Variants in TOP6BL observed in about 807,000 individuals in gnomAD.
TOP6BL encodes the protein TOP6B like initiator of meiotic double strand breaks.
At chr11:66,800,058 C>T in the TOP6BL span, among the ~76,000 whole-genome samples, 1 of 149,204 alleles carries the variant, frequency 6.7e-6, no homozygotes. Flanking sequence ...GAGCAAGACC[C>T]TGTCTCAAAA....
the TOP6BL span, among the ~76,000 whole-genome samples, chr11:66,758,609 C>T: frequency 1.4e-4 from 21 of 152,220 alleles, no homozygotes; most frequent in Admixed American, 1.0e-3. Context: ...CCACCGCACC[C>T]GGCCGGTATT....
chr11:66,759,792 A>T, the TOP6BL span, among the ~76,000 whole-genome samples: 2 of 152,092 alleles, frequency 1.3e-5, no homozygotes, highest in African/African-American at 4.8e-5. Context: ...CCGTGTTGCC[A>T]TGCTGGTCTC....
the TOP6BL span, among the ~76,000 whole-genome samples, chr11:66,827,966 GAAAA>G: frequency 1.7e-4 from 5 of 30,116 alleles, no homozygotes; most frequent in East Asian, 2.1e-3. Context: ...CTCTGTCTCA[GAAAA>G]AAAAAAAAAA....
the TOP6BL span, among the ~76,000 whole-genome samples, chr11:66,797,989 A>C: frequency 1.3e-5 from 2 of 152,164 alleles, no homozygotes; most frequent in African/African-American, 4.8e-5. Context: ...TCGCTCACTT[A>C]ACTCTTACAA....
the TOP6BL span, among the ~76,000 whole-genome samples, chr11:66,773,471 TG>T: frequency 6.6e-6 from 1 of 152,186 alleles, no homozygotes; most frequent in South Asian, 2.1e-4. Flanking sequence ...ATCTTTCTAA[TG>T]TTTGTAGAAT....
At chr11:66,787,719 C>CAA in the TOP6BL span, among the ~76,000 whole-genome samples, 8 of 87,312 alleles carry the variant, frequency 9.2e-5, no homozygotes, top group Non-Finnish European at 1.5e-4. Context: ...GACTCCGACT[C>CAA]AAAAAAAAAA....
the TOP6BL span, chr11:66,796,153 G>T: frequency 3.4e-5 from 22 of 640,846 alleles, no homozygotes; most frequent in South Asian, 4.6e-4. Context: ...TCCCAAAGAT[G>T]TCTCCCTTTG....
At chr11:66,752,425 T>G in the TOP6BL span, among the ~76,000 whole-genome samples, 7 of 152,254 alleles carry the variant, frequency 4.6e-5, no homozygotes, top group East Asian at 5.8e-4. Flanking sequence ...GACCTGTTTT[T>G]TCTTTTTTCT....
At chr11:66,792,742 A>G in the TOP6BL span, among the ~76,000 whole-genome samples, 1 of 152,196 alleles carries the variant, frequency 6.6e-6, no homozygotes, top group African/African-American at 2.4e-5. Flanking sequence ...AAATATCATC[A>G]TTATTCATTG....
chr11:66,808,039 A>G, the TOP6BL span, among the ~76,000 whole-genome samples: 19 of 152,254 alleles, frequency 1.2e-4, no homozygotes, highest in African/African-American at 4.6e-4. Flanking sequence ...TCTAGAGGAA[A>G]ATAACTGCAT....
chr11:66,770,422 G>C, the TOP6BL span, among the ~76,000 whole-genome samples: 1 of 152,260 alleles, frequency 6.6e-6, no homozygotes, highest in Non-Finnish European at 1.5e-5. Context: ...AACATAATGA[G>C]GCCAGGCACG....
the TOP6BL span, chr11:66,761,849 A>G: frequency 1.1e-6 from 1 of 911,752 alleles, no homozygotes; most frequent in East Asian, 2.4e-5. Flanking sequence ...GTCCAGCTTC[A>G]TCCTCTGGAT....
the TOP6BL span, chr11:66,816,234 G>A: frequency 6.3e-7 from 1 of 1,584,984 alleles, no homozygotes; most frequent in Non-Finnish European, 8.6e-7. Flanking sequence ...CAGCTGGGGT[G>A]TGCCAAATGC....
the TOP6BL span, among the ~76,000 whole-genome samples, chr11:66,841,363 G>A: frequency 3.9e-5 from 6 of 151,972 alleles, 1 homozygote; most frequent in Middle Eastern, 6.8e-3. Flanking sequence ...TGATCTGCCC[G>A]CCTCGGCCCC....
At chr11:66,793,854 C>T in the TOP6BL span, among the ~76,000 whole-genome samples, 1 of 151,918 alleles carries the variant, frequency 6.6e-6, no homozygotes, top group African/African-American at 2.4e-5. Context: ...ATGTGTAATT[C>T]TAGTGCTTTG....
the TOP6BL span, among the ~76,000 whole-genome samples, chr11:66,805,587 A>G: frequency 2.0e-5 from 3 of 151,704 alleles, no homozygotes; most frequent in African/African-American, 4.8e-5. Context: ...TCAGCCTCCT[A>G]GAGACCACAG....
chr11:66,789,001 C>G, the TOP6BL span, among the ~76,000 whole-genome samples: 1 of 152,144 alleles, frequency 6.6e-6, no homozygotes, highest in East Asian at 1.9e-4. Context: ...CTCATTTAAT[C>G]TTAATAACCT....
At chr11:66,744,819 G>GGGGGGCGGCGGC in the TOP6BL span, 7 of 1,230,604 alleles carry the variant, frequency 5.7e-6, no homozygotes, top group African/African-American at 9.4e-5. Flanking sequence ...GCTGAGGAGG[G>GGGGGGCGGCGGC]GGCGGCGGCG....
chr11:66,793,334 C>G, the TOP6BL span, among the ~76,000 whole-genome samples: 2 of 151,812 alleles, frequency 1.3e-5, no homozygotes, highest in Non-Finnish European at 2.9e-5. Context: ...CTCAAGTGAT[C>G]TGCCCGCCTC....
Sources: allele counts gnomAD v4.1 joint callset (sites outside exome capture counted in the v4.1 genomes callset), GRCh38; gene constraint gnomAD v4.1.1; transcripts MANE v1.5; gene names NCBI Gene and HGNC (gene_info 2026-07-23, HGNC 2026-07-21).